The following TGFBI variants were observed in gnomAD, a reference collection of about 807,000 sequenced individuals.
TGFBI encodes the protein transforming growth factor-beta-induced protein ig-h3.
TGFBI carries 50 observed loss-of-function variants against 73.7 expected under a neutral mutation model. That is an observed-to-expected ratio of 0.68 (90% CI 0.54 to 0.86). The LOEUF is 0.86. Among genes scored for constraint, TGFBI ranks in the 40% least tolerant of loss-of-function variants. The pLI is 0.00. For synonymous variants in TGFBI, 362 were observed against 360.5 expected, an observed-to-expected ratio of 1.00 and a Z score of -0.05; for missense variants, 839 against 877.0, an observed-to-expected ratio of 0.96 and a Z score of 0.55.
intron 1 of TGFBI, among the ~76,000 whole-genome samples, chr5:136,032,110 T>C (rs1751131450): frequency 6.6e-6 from 1 of 152,158 alleles, no homozygotes; most frequent in African/African-American, 2.4e-5. Context: ...CAGGGGTTAT[T>C]CAGGGACTGT....
chr5:136,051,994 C>T lies in TGFBI; in HGVS notation c.914-913C>T, dbSNP rs192254458. Among the ~76,000 whole-genome samples the T allele has an allele frequency of 2.8e-4, 43 of 152,330 alleles. 1 individual carries two copies. The Middle Eastern group carries it at 0.017, about 60-fold the overall frequency. On this transcript the variant is annotated intron_variant, in intron 7 of 16. Transcript: ENST00000442011. ...TTGGGATCAGATTGAAACTCGCCTCCGTGGTGAGAATATGGGACATAGAGC... is the reference window on the plus strand; with the variant it reads ...TTGGGATCAGATTGAAACTCGCCTCTGTGGTGAGAATATGGGACATAGAGC...
chr5:136,029,395 G>A (rs1580705622), intron 1 of TGFBI, among the ~76,000 whole-genome samples: 2 of 152,348 alleles, frequency 1.3e-5, no homozygotes, highest in Non-Finnish European at 2.9e-5. Flanking sequence ...GGGAAAGCGG[G>A]AGGCCGCCGC....
intron 1 of TGFBI, among the ~76,000 whole-genome samples, chr5:136,030,115 T>A (rs1013668431): frequency 6.6e-6 from 1 of 152,194 alleles, no homozygotes; most frequent in Non-Finnish European, 1.5e-5. Flanking sequence ...GCCTACCTGG[T>A]TGCACCAACT....
intron 2 of TGFBI, among the ~76,000 whole-genome samples, chr5:136,041,290 C>T (rs1361671874): frequency 3.3e-5 from 5 of 152,314 alleles, no homozygotes; most frequent in Admixed American, 6.5e-5. Flanking sequence ...GCCCTTGGCA[C>T]GAGAAGACTC....
chr5:136,054,118 G>C (rs1363888737), intron 9 of TGFBI, 38 bp downstream of exon 9: 1 of 1,599,884 alleles, frequency 6.3e-7, no homozygotes, highest in African/African-American at 1.3e-5. Context: ...ATTGTCCCTG[G>C]AGGCAGCTTC....
At chr5:136,043,298 G>A (rs933786588) in intron 2 of TGFBI, among the ~76,000 whole-genome samples, 4 of 152,082 alleles carry the variant, frequency 2.6e-5, no homozygotes, top group Admixed American at 6.5e-5. Flanking sequence ...ATATTGGTTC[G>A]TTAAAGCTGT....
intron 2 of TGFBI, 112 bp downstream of exon 2, chr5:136,033,973 G>A: frequency 1.1e-6 from 1 of 881,988 alleles, no homozygotes; most frequent in Non-Finnish European, 1.8e-6. Flanking sequence ...CCATGAAGAT[G>A]CATGTGCGAA....
Position 136,062,691 on chromosome 5 carries a change from A to G in TGFBI, c.2011+4A>G. 1.9e-6 allele frequency: 3 copies of G among 1,567,632 alleles called. No individual in the cohort carries two copies. Among genetic ancestry groups the G allele is most frequent in the South Asian group, 1.2e-5 (1 of 85,106 alleles). On this transcript the variant is annotated splice_donor_region_variant and intron_variant, in intron 16 of 16. Coordinates refer to ENST00000442011, the MANE Select transcript of TGFBI (RefSeq NM_000358.3). ...TCCCAGAGGTCTGTGCGACTAGGTG[A>G]GTCTGGTCTGGGTTTGAAGTCATTG...
intron 2 of TGFBI, among the ~76,000 whole-genome samples, chr5:136,040,696 C>G (rs954471479): frequency 6.6e-6 from 1 of 152,212 alleles, no homozygotes; most frequent in Non-Finnish European, 1.5e-5. Context: ...AAGCCTGAAG[C>G]CTTTAATCGG....
At chr5:136,053,168 T>C (rs1174627631) in intron 8 of TGFBI, 49 bp downstream of exon 8, 6 of 1,562,836 alleles carry the variant, frequency 3.8e-6, no homozygotes, top group Non-Finnish European at 5.3e-6. Flanking sequence ...CACCATCTCT[T>C]CTGCCATCCT....
intron 2 of TGFBI, among the ~76,000 whole-genome samples, chr5:136,039,784 A>G (rs4141306): frequency 0.54 from 82,268 of 152,162 alleles, 23,044 homozygotes; most frequent in African/African-American, 0.69. Flanking sequence ...GTTGGTAGAC[A>G]GTAGGTTAAA....
At chr5:136,031,587 A>G (rs1751121387) in intron 1 of TGFBI, among the ~76,000 whole-genome samples, 1 of 152,228 alleles carries the variant, frequency 6.6e-6, no homozygotes, top group African/African-American at 2.4e-5. Context: ...AGTAATAACT[A>G]TGATATGGTC....
chr5:136,057,830 T>G (rs1174773970), intron 12 of TGFBI, among the ~76,000 whole-genome samples: 1 of 152,212 alleles, frequency 6.6e-6, no homozygotes, highest in African/African-American at 2.4e-5. Flanking sequence ...GTGTCTGTGA[T>G]GCTGACGTAT....
chr5:136,051,644 G>A (rs915683187), intron 7 of TGFBI, among the ~76,000 whole-genome samples: 3 of 152,138 alleles, frequency 2.0e-5, no homozygotes, highest in African/African-American at 4.8e-5. Context: ...TGCTGTTACC[G>A]GCAGGTTGGC....
At chr5:136,029,801 C>T (rs987739412) in intron 1 of TGFBI, among the ~76,000 whole-genome samples, 1 of 152,360 alleles carries the variant, frequency 6.6e-6, no homozygotes, top group East Asian at 1.9e-4. Flanking sequence ...CCCTCACACA[C>T]ACTGTTCAAA....
In TGFBI at chr5:136,054,785, C is replaced by T; in HGVS notation, c.1334C>T (p.Ala445Val). ...LRNHIIKDQLASKYLYHGQTL... is the reference protein window; with the variant it reads ...LRNHIIKDQLVSKYLYHGQTL... ...AACCACATAATTAAAGACCAGCTGG[C>T]CTCTAAGTATCTGTACCATGGACAG... Residue 445 changes from alanine to valine, a missense_variant, in exon 10 of 17, where the codon GCC (alanine) becomes GTC (valine). By Grantham distance (64) the Ala-to-Val change is moderately conservative. Transcript: ENST00000442011. The T allele has an allele frequency of 6.2e-7, 1 of 1,613,936 alleles. No homozygotes were observed. The highest frequency in any genetic ancestry group is 8.5e-7 in the Non-Finnish European group (1 of 1,179,886).
intron 2 of TGFBI, among the ~76,000 whole-genome samples, chr5:136,041,387 T>A (rs1269499301): frequency 6.6e-6 from 1 of 152,222 alleles, no homozygotes; most frequent in Non-Finnish European, 1.5e-5. Context: ...CCAGCCACTG[T>A]GGGACATGGG....
chr5:136,060,486 G>A (rs1252933457), intron 13 of TGFBI, among the ~76,000 whole-genome samples: 6 of 152,146 alleles, frequency 3.9e-5, no homozygotes, highest in East Asian at 1.9e-4. Flanking sequence ...CAAAGTGGGC[G>A]GATCATCTGA....
chr5:136,063,377 G>A lies in TGFBI; in HGVS notation c.*151G>A, dbSNP rs377202155. The stretch of plus-strand genomic sequence containing the variant: ...AATGAGATGTGAGCCTTGTGCATGT[G>A]GGGGAGGAGGGAGAGAGATGTACTT... On this transcript the variant is annotated 3_prime_UTR_variant, in exon 17 of 17. Coordinates refer to ENST00000442011, the MANE Select transcript of TGFBI (RefSeq NM_000358.3). The A allele has an allele frequency of 2.9e-6, 2 of 690,530 alleles. No individual in the cohort carries two copies. Among genetic ancestry groups the A allele is most frequent in the Admixed American group, 2.3e-5 (1 of 43,544 alleles). The allele number at this position is 690,530 out of a possible 1,614,324, so 42.8% of individuals were successfully genotyped here. A position where few individuals can be genotyped will look rare whatever the true frequency, so the allele number is the denominator to read the frequency against.
Sources: allele counts gnomAD v4.1 joint callset (sites outside exome capture counted in the v4.1 genomes callset), GRCh38; gene constraint gnomAD v4.1.1; transcripts MANE v1.5; gene names NCBI Gene and HGNC (gene_info 2026-07-23, HGNC 2026-07-21).